The following MYZAP variants were observed in gnomAD, a reference collection of about 807,000 sequenced individuals.
MYZAP encodes the protein GRINL1A complex locus upstream.
In MYZAP, 66 loss-of-function variants were observed where a neutral mutation model predicts 69.4. The ratio of observed to expected loss-of-function variants is 0.95; its 90% CI spans 0.78 to 1.17. MYZAP has a LOEUF of 1.17. Ranked by LOEUF, MYZAP falls within the 50% of genes most tolerant of loss-of-function variation. The pLI is 0.00. For synonymous variants in MYZAP, 256 were observed against 205.9 expected (o/e 1.24, Z -2.09); for missense variants, 611 against 556.2 (o/e 1.10, Z -0.99).
intron 12 of MYZAP, among the ~76,000 whole-genome samples, chr15:57,679,447 C>T (rs2039321479): frequency 6.6e-6 from 1 of 151,588 alleles, no homozygotes; most frequent in African/African-American, 2.4e-5. Context: ...TCATCTCTTT[C>T]ACTAATTGCA....
chr15:57,669,169 A>G (rs183271235), intron 11 of MYZAP, among the ~76,000 whole-genome samples: 45 of 152,244 alleles, frequency 3.0e-4, no homozygotes, highest in Non-Finnish European at 3.2e-4. Flanking sequence ...GATTATAGGC[A>G]TGAGCCACCA....
In MYZAP at chr15:57,632,409, C is replaced by T. The variant is rs78291006; in HGVS notation, c.679-25C>T. 16,230 of 1,613,488 alleles carry T rather than the reference C, an allele frequency of 0.01. 1,032 individuals are homozygous for T. The African/African-American group carries it at 0.16, about 16-fold the overall frequency. On this transcript the variant is annotated intron_variant, in intron 6 of 12. Coordinates refer to ENST00000267853, the MANE Select transcript of MYZAP (RefSeq NM_001018100.5). Reference sequence around the variant, plus strand: ...TTCCTCTGGGCCCTGCAAAAGCTGTCGTTCTGAAATGAGTCTCGTTGTAGG... The same window carrying T: ...TTCCTCTGGGCCCTGCAAAAGCTGTTGTTCTGAAATGAGTCTCGTTGTAGG...
chr15:57,624,373 C>T (rs989455872), intron 4 of MYZAP, among the ~76,000 whole-genome samples: 4 of 151,992 alleles, frequency 2.6e-5, no homozygotes, highest in South Asian at 2.1e-4. Flanking sequence ...AGTGGGGCTA[C>T]GTAAATATAT....
At chr15:57,605,096 A>G (rs1386030018) in intron 2 of MYZAP, among the ~76,000 whole-genome samples, 1 of 152,068 alleles carries the variant, frequency 6.6e-6, no homozygotes, top group African/African-American at 2.4e-5. Flanking sequence ...GTCCTGGCCG[A>G]CCCATTTTAC....
At chr15:57,647,454 C>T (rs1464785275) in intron 10 of MYZAP, 2 of 985,296 alleles carry the variant, frequency 2.0e-6, no homozygotes, top group Non-Finnish European at 2.4e-6. Flanking sequence ...GTGGAAAAGT[C>T]ACTGGCATTT....
intron 11 of MYZAP, among the ~76,000 whole-genome samples, chr15:57,669,514 CTCTT>C (rs1200971312): frequency 6.6e-6 from 1 of 151,250 alleles, no homozygotes; most frequent in African/African-American, 2.5e-5. Context: ...GTCTCTGTCT[CTCTT>C]TCTCTTTCTC....
intron 10 of MYZAP, among the ~76,000 whole-genome samples, chr15:57,641,356 A>C (rs1253858978): frequency 6.6e-6 from 1 of 152,212 alleles, no homozygotes; most frequent in Non-Finnish European, 1.5e-5. Flanking sequence ...GTGAAGGAGT[A>C]CACATACGTA....
At chr15:57,676,334 A>G (rs2039111090) in intron 12 of MYZAP, among the ~76,000 whole-genome samples, 1 of 150,992 alleles carries the variant, frequency 6.6e-6, no homozygotes, top group South Asian at 2.1e-4. Context: ...CCTCAATTAC[A>G]TTGCTTGCCT....
intron 3 of MYZAP, among the ~76,000 whole-genome samples, chr15:57,621,076 A>C (rs2035776962): frequency 6.8e-6 from 1 of 148,094 alleles, no homozygotes; most frequent in South Asian, 2.1e-4. Flanking sequence ...TACATAATAA[A>C]ATTATATATA....
chr15:57,621,194 T>C (rs2035784707), intron 3 of MYZAP, among the ~76,000 whole-genome samples: 1 of 138,422 alleles, frequency 7.2e-6, no homozygotes, highest in Non-Finnish European at 1.6e-5. Flanking sequence ...GTGGGGTCCT[T>C]CTTTCTTTTT....
rs1013872576 is a variant in MYZAP, at chr15:57,592,071, G to A, written c.37G>A (p.Gly13Ser). The A allele has an allele frequency of 7.2e-7, 1 of 1,392,994 alleles. No individual in the cohort carries two copies. The highest frequency in any genetic ancestry group is 9.3e-7 in the Non-Finnish European group (1 of 1,077,024). The allele number at this position is 1,392,994 out of a possible 1,614,324, so 86.3% of individuals were successfully genotyped here. The change falls in exon 1 of 13, where the codon GGC becomes AGC. Residue 13 changes from glycine (G) to serine (S), a missense_variant. Coordinates refer to ENST00000267853, the MANE Select transcript of MYZAP (RefSeq NM_001018100.5). ...RSTSTVTLLS[G>S]GAARTPGAPS... The stretch of plus-strand genomic sequence containing the variant: ...CACGTCCACGGTCACCCTGCTCTCG[G>A]GCGGCGCCGCCAGGACGCCCGGGGC...
intron 1 of MYZAP, among the ~76,000 whole-genome samples, chr15:57,594,184 C>T (rs146051078): frequency 6.6e-5 from 10 of 152,332 alleles, no homozygotes; most frequent in East Asian, 5.8e-4. Flanking sequence ...GGCACGATCT[C>T]GGCTCACTGC....
chr15:57,632,520 A>C lies in MYZAP; in HGVS notation c.765A>C (p.Glu255Asp). ...GCCAGTATGAGGAGAAGCTGCAGGA[A>C]GAACAGAGGAAGCACAGTGCTGAGA... Reference protein sequence around the residue: ...LYSQYEEKLQEEQRKHSAEKE... With the variant: ...LYSQYEEKLQDEQRKHSAEKE... Residue 255 changes from glutamate to aspartate, a missense_variant, in exon 7 of 13, where the codon GAA becomes GAC. By Grantham distance (45) the Glu-to-Asp change is conservative (BLOSUM62 2). Transcript: ENST00000267853. 1.9e-6 allele frequency: 3 copies of C among 1,614,240 alleles called. No homozygotes were observed. The Admixed American group carries it at 5.0e-5, about 27-fold the overall frequency.
intron 10 of MYZAP, among the ~76,000 whole-genome samples, chr15:57,654,643 T>C (rs527824447): frequency 1.3e-5 from 2 of 152,210 alleles, no homozygotes; most frequent in African/African-American, 2.4e-5. Context: ...TCTTGCACAA[T>C]TGAGTGCTAC....
At chr15:57,670,381 T>G (rs2038810998) in intron 11 of MYZAP, among the ~76,000 whole-genome samples, 1 of 152,082 alleles carries the variant, frequency 6.6e-6, no homozygotes, top group Non-Finnish European at 1.5e-5. Context: ...GATATCTATT[T>G]TAACTGATAT....
At chr15:57,667,617 G>T in intron 11 of MYZAP, among the ~76,000 whole-genome samples, 1 of 152,186 alleles carries the variant, frequency 6.6e-6, no homozygotes, top group South Asian at 2.1e-4. Context: ...GTATCAAATC[G>T]GTTAATTTAA....
intron 10 of MYZAP, among the ~76,000 whole-genome samples, chr15:57,644,602 G>A (rs1200642598): frequency 6.6e-6 from 1 of 152,002 alleles, no homozygotes; most frequent in Non-Finnish European, 1.5e-5. Flanking sequence ...GTGCACCCAT[G>A]CCCAGCTAAT....
chr15:57,627,110 A>C, intron 5 of MYZAP, among the ~76,000 whole-genome samples: 1 of 152,068 alleles, frequency 6.6e-6, no homozygotes. Flanking sequence ...GTTCAGACTT[A>C]GTCGGTATTT....
chr15:57,665,815 C>G (rs1357901031), intron 11 of MYZAP, among the ~76,000 whole-genome samples: 2 of 152,166 alleles, frequency 1.3e-5, no homozygotes, highest in Non-Finnish European at 2.9e-5. Flanking sequence ...GCTTTTTAAC[C>G]TAGGGATTTT....
Sources: allele counts gnomAD v4.1 joint callset (sites outside exome capture counted in the v4.1 genomes callset), GRCh38; gene constraint gnomAD v4.1.1; transcripts MANE v1.5; gene names NCBI Gene and HGNC (gene_info 2026-07-23, HGNC 2026-07-21).